Variants in CD93 observed in about 807,000 individuals in gnomAD.
The protein encoded by CD93 is complement component C1q receptor.
In CD93, 44 loss-of-function variants were observed where a neutral mutation model predicts 45.5. The ratio of observed to expected loss-of-function variants is 0.97; its 90% CI spans 0.76 to 1.24. The LOEUF (loss-of-function observed/expected upper bound fraction) is 1.24, where lower values mean the gene tolerates loss of function less well. Among genes scored for constraint, CD93 ranks in the 50% most tolerant of loss-of-function variants. The probability of loss-of-function intolerance (pLI) is 0.00; values close to 1 mark genes in which losing one functional copy is unlikely to be tolerated. For synonymous variants in CD93, 431 were observed against 370.8 expected, an observed-to-expected ratio of 1.16 and a Z score of -1.87; for missense variants, 918 against 844.5, an observed-to-expected ratio of 1.09 and a Z score of -1.08.
rs568089219 is a variant in CD93 at position 23,084,620 on chromosome 20, C to T, written c.1573G>A (p.Ala525Thr). Residue 525 changes from alanine (A) to threonine (T), a missense_variant, in exon 1 of 2, where the codon GCC becomes ACC. Ala to Thr is a moderately conservative substitution (Grantham distance 58). Coordinates refer to ENST00000246006, the MANE Select transcript of CD93 (RefSeq NM_012072.4). ...TTSRPSLSSD[A>T]PITSAPLKML... ...TTGAGTGGGGCAGATGTGATGGGGG[C>T]GTCAGATGACAGCGAAGGTCTACTT... 6.2e-6 allele frequency: 10 copies of T among 1,607,222 alleles called. No homozygotes were observed. The highest frequency in any genetic ancestry group is 3.3e-5 in the South Asian group (3 of 90,410).
chr20:23,085,442 C>T lies in CD93; in HGVS notation c.751G>A (p.Gly251Ser), dbSNP rs1985464299. The T allele has an allele frequency of 6.2e-7, 1 of 1,613,780 alleles. No individual in the cohort carries two copies. Among genetic ancestry groups the T allele is most frequent in the South Asian group, 1.1e-5 (1 of 91,096 alleles). ...KEKAPDVFDW[G>S]SSGPLCVSPK... is the part of the protein sequence containing the mutation. ...CTGACACAGAGGGGGCCCGAGCTGC[C>T]CCAGTCGAACACATCGGGGGCCTTC... Residue 251 changes from glycine to serine, a missense_variant, in exon 1 of 2, where the codon GGC becomes AGC. Gly to Ser is a moderately conservative substitution (Grantham distance 56, BLOSUM62 0). Transcript: ENST00000246006.
At position 23,084,355 on chromosome 20, in the gene CD93, C is replaced by G; in HGVS notation, c.1838G>C (p.Arg613Thr). 1.2e-6 allele frequency: 2 copies of G among 1,614,230 alleles called. No individual in the cohort carries two copies. Among genetic ancestry groups the G allele is most frequent in the Non-Finnish European group, 1.7e-6 (2 of 1,180,030 alleles). Residue 613 changes from arginine to threonine, a missense_variant, in exon 1 of 2, where the codon AGG becomes ACG. Transcript: ENST00000246006. ...LLVYRKRRAK[R>T]EEKKEKKPQN... is the part of the protein sequence containing the mutation. ...GGGCTTCTTCTCCTTCTTCTCCTCCCTCTTCGCTCTCCGCTTGCGATAGAC... is the reference window on the plus strand; with the variant it reads ...GGGCTTCTTCTCCTTCTTCTCCTCCGTCTTCGCTCTCCGCTTGCGATAGAC...
rs1334783218 is a variant in CD93 at position 23,081,921 on chromosome 20, T to C, written c.*2029A>G. ...GCATTTGCATTTATTTAAGTGCTGA[T>C]GTTGGTCAGCAGCGCATCCAGCCAT... On this transcript the variant is annotated 3_prime_UTR_variant, in exon 2 of 2. Transcript: ENST00000246006. 2 of 152,240 alleles carry C rather than the reference T, an allele frequency of 1.3e-5. No individual in the cohort carries two copies. The highest frequency in any genetic ancestry group is 2.9e-5 in the Non-Finnish European group (2 of 68,038). 9.4% of individuals were successfully genotyped at this position (152,240 alleles called of 1,614,324 possible). A position where few individuals can be genotyped will look rare whatever the true frequency, so the allele number is the denominator to read the frequency against.
At chr20:23,084,058 C>A in intron 1 of CD93, 84 bp from the exon 2 acceptor site, 3 of 1,542,698 alleles carry the variant, frequency 1.9e-6, no homozygotes, top group Non-Finnish European at 2.7e-6. Flanking sequence ...GCCCCACGTG[C>A]GGCCGTGCTG....
Position 23,082,947 on chromosome 20 carries a change from A to G in CD93, c.*1003T>C, listed in dbSNP as rs538744338. 1 of 152,766 alleles carries G rather than the reference A, an allele frequency of 6.5e-6. No homozygotes were observed. The highest frequency in any genetic ancestry group is 2.1e-4 in the South Asian group (1 of 4,826). 9.5% of individuals were successfully genotyped at this position (152,766 alleles called of 1,614,324 possible). A position where few individuals can be genotyped will look rare whatever the true frequency, so the allele number is the denominator to read the frequency against. On this transcript the variant is annotated 3_prime_UTR_variant, in exon 2 of 2. Transcript: ENST00000246006. The stretch of plus-strand genomic sequence containing the variant: ...ATCATCTCCCGTTCACACATCCTTT[A>G]GGAAACAGCCTGATGGAACTTTCTG...
Position 23,080,115 on chromosome 20 carries a change from A to G in CD93, c.*3835T>C, listed in dbSNP as rs1210977049. On this transcript the variant is annotated 3_prime_UTR_variant, in exon 2 of 2. Transcript: ENST00000246006. ...GTGATGGAAATATGTAGGGGGCATT[A>G]AACCATTTTGCAGCTGCTAGAAAGC... 2 of 152,516 alleles carry G rather than the reference A, an allele frequency of 1.3e-5. No homozygotes were observed. The highest frequency in any genetic ancestry group is 2.9e-5 in the Non-Finnish European group (2 of 68,028). 9.4% of individuals were successfully genotyped at this position (152,516 alleles called of 1,614,324 possible).
chr20:23,084,357 C>T lies in CD93; in HGVS notation c.1836G>A (p.Lys612=), dbSNP rs755257387. 1 of 1,614,268 alleles carries T rather than the reference C, an allele frequency of 6.2e-7. No homozygotes were observed. Among genetic ancestry groups the T allele is most frequent in the Non-Finnish European group, 8.5e-7 (1 of 1,180,046 alleles). The change falls in exon 1 of 2, where the codon AAG becomes AAA. Residue 612 remains lysine (K), a synonymous_variant. Coordinates refer to ENST00000246006, the MANE Select transcript of CD93 (RefSeq NM_012072.4). ...GLLVYRKRRA[K]REEKKEKKPQ... Reference sequence around the variant, plus strand: ...GCTTCTTCTCCTTCTTCTCCTCCCTCTTCGCTCTCCGCTTGCGATAGACCA... The same window carrying T: ...GCTTCTTCTCCTTCTTCTCCTCCCTTTTCGCTCTCCGCTTGCGATAGACCA...
chr20:23,084,896 CCA>C lies in CD93; in HGVS notation c.1295_1296del (p.Val432GlyfsTer51). The C allele has an allele frequency of 6.2e-7, 1 of 1,613,278 alleles. No homozygotes were observed. Among genetic ancestry groups the C allele is most frequent in the Non-Finnish European group, 8.5e-7 (1 of 1,179,920 alleles). On this transcript the variant is annotated frameshift_variant, in exon 1 of 2. Coordinates refer to ENST00000246006, the MANE Select transcript of CD93 (RefSeq NM_012072.4). LOFTEE classifies it high-confidence loss of function. ...GTQCQDVDEC[V>X]GPGGPLCDSL... is the part of the protein sequence containing the mutation. ...CTGTCGCAGAGGGGGCCCCCCGGGC[CCA>C]CACACTCATCCACGTCCTGGCACTG...
In CD93 at chr20:23,084,500, C is replaced by G. The variant is rs1282386008; in HGVS notation, c.1693G>C (p.Asp565His). 6 of 1,614,112 alleles carry G rather than the reference C, an allele frequency of 3.7e-6. No homozygotes were observed. Among genetic ancestry groups the G allele is most frequent in the Non-Finnish European group, 5.1e-6 (6 of 1,180,034 alleles). Residue 565 changes from aspartate to histidine, a missense_variant, in exon 1 of 2, where the codon GAC becomes CAC. Coordinates refer to ENST00000246006, the MANE Select transcript of CD93 (RefSeq NM_012072.4). ...ASGPQEPAGG[D>H]SSVATQNNDG... Reference sequence around the variant, plus strand: ...TTGTTTTGTGTGGCCACGGAGGAGTCCCCACCTGCAGGCTCCTGGGGGCCA... The same window carrying G: ...TTGTTTTGTGTGGCCACGGAGGAGTGCCCACCTGCAGGCTCCTGGGGGCCA...
Position 23,083,674 on chromosome 20 carries a change from C to T in CD93, c.*276G>A. Reference sequence around the variant, plus strand: ...TCACACCCTGATCCGGAATTGGTCACATTGGAATTTGAAAAGGGAGGGGGA... The same window carrying T: ...TCACACCCTGATCCGGAATTGGTCATATTGGAATTTGAAAAGGGAGGGGGA... On this transcript the variant is annotated 3_prime_UTR_variant, in exon 2 of 2. Transcript: ENST00000246006. 1 of 535,384 alleles carries T rather than the reference C, an allele frequency of 1.9e-6. No individual in the cohort carries two copies. Among genetic ancestry groups the T allele is most frequent in the Non-Finnish European group, 3.4e-6 (1 of 298,072 alleles). The allele number at this position is 535,384 out of a possible 1,614,324, so 33.2% of individuals were successfully genotyped here. A position where few individuals can be genotyped will look rare whatever the true frequency, so the allele number is the denominator to read the frequency against.
At position 23,081,195 on chromosome 20, in the gene CD93, T is replaced by C. The variant is rs545909539; in HGVS notation, c.*2755A>G. 6 of 152,314 alleles carry C rather than the reference T, an allele frequency of 3.9e-5. No individual in the cohort carries two copies. The highest frequency in any genetic ancestry group is 7.2e-5 in the African/African-American group (3 of 41,572). The allele number at this position is 152,314 out of a possible 1,614,324, so 9.4% of individuals were successfully genotyped here. ...CAAGTGAAAACTTCCCCCGTCCCCA[T>C]GGCCCTGGCTTGTTCTGCTGCTGAA... On this transcript the variant is annotated 3_prime_UTR_variant, in exon 2 of 2. Transcript: ENST00000246006.
chr20:23,080,541 G>A lies in CD93; in HGVS notation c.*3409C>T, dbSNP rs955308065. On this transcript the variant is annotated 3_prime_UTR_variant, in exon 2 of 2. Coordinates refer to ENST00000246006, the MANE Select transcript of CD93 (RefSeq NM_012072.4). ...CTGATCGCAGGGAAGATGGCATGTG[G>A]CTGGCCCTTCCTGAAGCCTTGCTCC... The A allele has an allele frequency of 6.6e-6, 1 of 152,224 alleles. No individual in the cohort carries two copies. The highest frequency in any genetic ancestry group is 2.4e-5 in the African/African-American group (1 of 41,452). 9.4% of individuals were successfully genotyped at this position (152,224 alleles called of 1,614,324 possible). A position where few individuals can be genotyped will look rare whatever the true frequency, so the allele number is the denominator to read the frequency against.
rs897013780 is a variant in CD93, at chr20:23,082,422, C to T, written c.*1528G>A. Reference sequence around the variant, plus strand: ...TCTCCTGCACAGTGGTGGTAAAAAGCCCACAGGAGACATGAGGCCTCCCAG... The same window carrying T: ...TCTCCTGCACAGTGGTGGTAAAAAGTCCACAGGAGACATGAGGCCTCCCAG... On this transcript the variant is annotated 3_prime_UTR_variant, in exon 2 of 2. Coordinates refer to ENST00000246006, the MANE Select transcript of CD93 (RefSeq NM_012072.4). The T allele has an allele frequency of 5.9e-5, 9 of 152,006 alleles. No individual in the cohort carries two copies. Among genetic ancestry groups the T allele is most frequent in the African/African-American group, 1.9e-4 (8 of 41,354 alleles). 9.4% of individuals were successfully genotyped at this position (152,006 alleles called of 1,614,324 possible). A position where few individuals can be genotyped will look rare whatever the true frequency, so the allele number is the denominator to read the frequency against.
Position 23,079,990 on chromosome 20 carries a change from C to A in CD93, c.*3960G>T, listed in dbSNP as rs972571460. On this transcript the variant is annotated 3_prime_UTR_variant, in exon 2 of 2. Coordinates refer to ENST00000246006, the MANE Select transcript of CD93 (RefSeq NM_012072.4). ...CTCTATTTTTAGTTGAGAAAATGCA[C>A]AAACCATATAGATTTAAACCATGGG... 6.6e-6 allele frequency: 1 copy of A among 151,858 alleles called. No homozygotes were observed. The highest frequency in any genetic ancestry group is 2.4e-5 in the African/African-American group (1 of 41,300). The allele number at this position is 151,858 out of a possible 1,614,324, so 9.4% of individuals were successfully genotyped here.
At position 23,084,593 on chromosome 20, in the gene CD93, T is replaced by C. The variant is rs1033699231; in HGVS notation, c.1600A>G (p.Met534Val). 3 of 1,612,958 alleles carry C rather than the reference T, an allele frequency of 1.9e-6. No individual in the cohort carries two copies. The highest frequency in any genetic ancestry group is 2.5e-6 in the Non-Finnish European group (3 of 1,179,572). The change falls in exon 1 of 2, where the codon ATG becomes GTG. Residue 534 changes from methionine (M) to valine (V), a missense_variant. By Grantham distance (21) the Met-to-Val change is conservative. Transcript: ENST00000246006. ...CCTGGGGACCCACTGGGGGCCAGCA[T>C]CTTGAGTGGGGCAGATGTGATGGGG... ...DAPITSAPLK[M>V]LAPSGSPGVW...
At position 23,085,157 on chromosome 20, in the gene CD93, C is replaced by A; in HGVS notation, c.1036G>T (p.Val346Leu). ...CAGGGGGAGTCCTGGCATTCATCCACGTCCACACAGTCCAGCTGACTCGAG... is the reference window on the plus strand; with the variant it reads ...CAGGGGGAGTCCTGGCATTCATCCAAGTCCACACAGTCCAGCTGACTCGAG... ...LDSSQLDCVD[V>L]DECQDSPCAQ... Residue 346 changes from valine (V) to leucine (L), a missense_variant, in exon 1 of 2, where the codon GTG becomes TTG. By Grantham distance (32) the Val-to-Leu change is conservative. Coordinates refer to ENST00000246006, the MANE Select transcript of CD93 (RefSeq NM_012072.4). 1 of 1,584,108 alleles carries A rather than the reference C, an allele frequency of 6.3e-7. No individual in the cohort carries two copies. The highest frequency in any genetic ancestry group is 8.6e-7 in the Non-Finnish European group (1 of 1,164,110).
In CD93 at chr20:23,084,699, TG is replaced by T. The variant is rs1568677755; in HGVS notation, c.1493del (p.Ala498GlufsTer90). 6.3e-7 allele frequency: 1 copy of T among 1,587,636 alleles called. No homozygotes were observed. The highest frequency in any genetic ancestry group is 8.6e-7 in the Non-Finnish European group (1 of 1,168,034). On this transcript the variant is annotated frameshift_variant, in exon 1 of 2. Transcript: ENST00000246006. LOFTEE classifies it high-confidence loss of function. ...CGGGGCCCCTTGTGGGACTGGCTGT[TG>T]CAGCACGGGGCACGGTGCTCCCTTC... ...EKEGSTVPRA[A>X]TASPTRGPEG... is the part of the protein sequence containing the mutation.
In CD93 at chr20:23,083,634, T is replaced by C. The variant is rs931273600; in HGVS notation, c.*316A>G. 4 of 453,762 alleles carry C rather than the reference T, an allele frequency of 8.8e-6. No individual in the cohort carries two copies. The highest frequency in any genetic ancestry group is 3.5e-5 in the Admixed American group (1 of 28,472). The allele number at this position is 453,762 out of a possible 1,614,324, so 28.1% of individuals were successfully genotyped here. On this transcript the variant is annotated 3_prime_UTR_variant, in exon 2 of 2. Transcript: ENST00000246006. Reference sequence around the variant, plus strand: ...CAGAGAAGATATTCAGGGGAGCCCCTTAGCCCCGGCCTCCTCACACCCTGA... The same window carrying C: ...CAGAGAAGATATTCAGGGGAGCCCCCTAGCCCCGGCCTCCTCACACCCTGA...
chr20:23,083,486 C>G lies in CD93; in HGVS notation c.*464G>C, dbSNP rs1307448560. On this transcript the variant is annotated 3_prime_UTR_variant, in exon 2 of 2. Transcript: ENST00000246006. The stretch of plus-strand genomic sequence containing the variant: ...AACATGTTCCCTTTGACCAAAAAAC[C>G]AGATCTTCTTACCTAATTGAATAAT... 6.2e-6 allele frequency: 1 copy of G among 160,762 alleles called. No individual in the cohort carries two copies. The highest frequency in any genetic ancestry group is 1.4e-5 in the Non-Finnish European group (1 of 73,174). The allele number at this position is 160,762 out of a possible 1,614,324, so 10.0% of individuals were successfully genotyped here.
Sources: allele counts gnomAD v4.1 joint callset, GRCh38; gene constraint gnomAD v4.1.1; transcripts MANE v1.5; gene names NCBI Gene and HGNC (gene_info 2026-07-23, HGNC 2026-07-21).